Variants in WWTR1 observed in about 807,000 individuals in gnomAD.
WWTR1 encodes the protein WW domain containing transcription regulator 1.
Under a neutral mutation model 40.1 loss-of-function variants are expected in WWTR1, and 13 were observed. That is an observed-to-expected ratio of 0.32 (90% CI 0.21 to 0.52). The LOEUF is 0.52. Among genes scored for constraint, WWTR1 ranks in the 20% least tolerant of loss-of-function variants. WWTR1 has a pLI of 0.97. For synonymous variants in WWTR1, 230 were observed against 210.1 expected (o/e 1.09, Z -0.82); for missense variants, 436 against 523.1 (o/e 0.83, Z 1.63).
intron 2 of WWTR1, among the ~76,000 whole-genome samples, chr3:149,667,266 G>A (rs190080671): frequency 1.8e-4 from 27 of 152,206 alleles, no homozygotes; most frequent in African/African-American, 5.5e-4. Context: ...TACTAATGGG[G>A]CCGGGCGCAG....
At chr3:149,610,375 G>A (rs1014443036) in intron 2 of WWTR1, among the ~76,000 whole-genome samples, 8 of 152,022 alleles carry the variant, frequency 5.3e-5, no homozygotes, top group Non-Finnish European at 7.4e-5. Context: ...TAAGAAAATC[G>A]CATTCCCAGG....
chr3:149,533,757 C>T (rs538476939), intron 4 of WWTR1, among the ~76,000 whole-genome samples: 1 of 151,428 alleles, frequency 6.6e-6, no homozygotes, highest in East Asian at 1.9e-4. Context: ...AGTTTGTTCA[C>T]CTGAAAAAAA....
intron 2 of WWTR1, among the ~76,000 whole-genome samples, chr3:149,636,104 A>G (rs922757357): frequency 2.6e-5 from 4 of 152,226 alleles, no homozygotes; most frequent in African/African-American, 9.6e-5. Flanking sequence ...TCCCAGGAGA[A>G]TGAATTTTCC....
chr3:149,594,285 G>C (rs1738870992), intron 2 of WWTR1, among the ~76,000 whole-genome samples: 1 of 151,980 alleles, frequency 6.6e-6, no homozygotes, highest in African/African-American at 2.4e-5. Flanking sequence ...AACTTATTCT[G>C]GTTTAGGAGT....
At chr3:149,693,923 T>C (rs2108215949) in intron 1 of WWTR1, among the ~76,000 whole-genome samples, 1 of 152,076 alleles carries the variant, frequency 6.6e-6, no homozygotes, top group East Asian at 1.9e-4. Context: ...ATAAAACAAC[T>C]AAAAGAAAAC....
chr3:149,713,622 C>T (rs895748306), intron 5 of WWTR1, among the ~76,000 whole-genome samples: 3 of 152,172 alleles, frequency 2.0e-5, no homozygotes, highest in Admixed American at 6.5e-5. Flanking sequence ...CTCAGGTGCT[C>T]CACCCGCCTC....
intron 3 of WWTR1, among the ~76,000 whole-genome samples, chr3:149,550,707 G>C (rs377540165): frequency 7.3e-5 from 8 of 109,036 alleles, no homozygotes; most frequent in Admixed American, 8.8e-5. Context: ...TCAAGATACA[G>C]AGTAATAGAA....
intron 2 of WWTR1, among the ~76,000 whole-genome samples, chr3:149,593,013 C>T (rs116284914): frequency 0.016 from 2,400 of 152,300 alleles, 32 homozygotes; most frequent in Middle Eastern, 0.027. Context: ...TCCAGGCACA[C>T]CGAGCCAAGT....
At chr3:149,711,054 T>C (rs1239537259) in intron 5 of WWTR1, among the ~76,000 whole-genome samples, 1 of 151,224 alleles carries the variant, frequency 6.6e-6, no homozygotes, top group Non-Finnish European at 1.5e-5. Context: ...AAGCTTTCAG[T>C]GATAAACTCC....
At chr3:149,689,192 G>A (rs1369785177) in intron 1 of WWTR1, among the ~76,000 whole-genome samples, 1 of 151,710 alleles carries the variant, frequency 6.6e-6, no homozygotes, top group Non-Finnish European at 1.5e-5. Flanking sequence ...GACTAGCCTC[G>A]GCAACATGGT....
chr3:149,689,251 T>C (rs2108211400), intron 1 of WWTR1, among the ~76,000 whole-genome samples: 1 of 151,904 alleles, frequency 6.6e-6, no homozygotes, highest in South Asian at 2.1e-4. Flanking sequence ...CATGGTGGTT[T>C]GCACCTGTAG....
At chr3:149,550,187 T>G (rs1385822866) in intron 3 of WWTR1, among the ~76,000 whole-genome samples, 1 of 152,250 alleles carries the variant, frequency 6.6e-6, no homozygotes, top group East Asian at 1.9e-4. Flanking sequence ...TAGTCAATGG[T>G]TGGGGTATGT....
intron 1 of WWTR1, among the ~76,000 whole-genome samples, chr3:149,700,233 GAGGT>G (rs1715128582): frequency 6.6e-6 from 1 of 152,162 alleles, no homozygotes; most frequent in Non-Finnish European, 1.5e-5. Flanking sequence ...TTGGGAGGCT[GAGGT>G]GGGAAGACTG....
chr3:149,694,090 T>G (rs905272384), intron 1 of WWTR1, among the ~76,000 whole-genome samples: 1 of 152,160 alleles, frequency 6.6e-6, no homozygotes, highest in African/African-American at 2.4e-5. Context: ...TTGCACACCA[T>G]CCATCTAACA....
chr3:149,646,010 G>T (rs961197022), intron 2 of WWTR1, among the ~76,000 whole-genome samples: 2 of 152,144 alleles, frequency 1.3e-5, no homozygotes, highest in East Asian at 3.8e-4. Context: ...AATATATTAT[G>T]TACTAGAAAA....
At chr3:149,700,997 A>T (rs937599591) in intron 1 of WWTR1, among the ~76,000 whole-genome samples, 1 of 152,236 alleles carries the variant, frequency 6.6e-6, no homozygotes, top group South Asian at 2.1e-4. Flanking sequence ...TGACAGCCCA[A>T]GGTGCCATTG....
chr3:149,601,463 GC>G (rs1739238493), intron 2 of WWTR1, among the ~76,000 whole-genome samples: 1 of 152,194 alleles, frequency 6.6e-6, no homozygotes. Context: ...CTCCCAAAAT[GC>G]TGGGATTATA....
intron 5 of WWTR1, among the ~76,000 whole-genome samples, chr3:149,526,647 T>C (rs2107906742): frequency 6.6e-6 from 1 of 152,336 alleles, no homozygotes; most frequent in South Asian, 2.1e-4. Flanking sequence ...CAAATCTGGG[T>C]AGTGGGTACA....
intron 4 of WWTR1, among the ~76,000 whole-genome samples, chr3:149,718,908 G>A (rs992357407): frequency 4.0e-5 from 6 of 150,252 alleles, no homozygotes; most frequent in Admixed American, 6.7e-5. Context: ...TCAGTGCAAC[G>A]TCTGCCTCCC....
Sources: gnomAD v4.1 joint callset for allele counts (sites outside exome capture counted in the v4.1 genomes callset) on GRCh38, gnomAD v4.1.1 for gene constraint, MANE v1.5 for transcripts, NCBI Gene and HGNC (gene_info 2026-07-23, HGNC 2026-07-21) for gene names.